Variants in CNTNAP5 observed in about 807,000 individuals in gnomAD.
The protein encoded by CNTNAP5 is contactin associated protein family member 5.
A neutral mutation model predicts 150.2 loss-of-function variants in CNTNAP5; 72 were observed. That is an observed-to-expected ratio of 0.48 (90% confidence interval 0.40 to 0.58). The LOEUF (loss-of-function observed/expected upper bound fraction) is 0.58, where lower values mean the gene tolerates loss of function less well. Ranked by LOEUF, CNTNAP5 falls within the 20% of genes least tolerant of loss-of-function variation. The pLI is 0.00. For synonymous variants in CNTNAP5, 672 were observed against 619.8 expected (o/e 1.08, Z -1.25); for missense variants, 1,636 against 1,626.2 (o/e 1.01, Z -0.10).
chr2:124,816,111 G>A (rs937420661), intron 19 of CNTNAP5, among the ~76,000 whole-genome samples: 4 of 152,160 alleles, frequency 2.6e-5, no homozygotes, highest in South Asian at 2.1e-4. Context: ...CTAGGAAGCC[G>A]GGGAGCTGGG....
chr2:124,839,441 C>A (rs1414488865), intron 19 of CNTNAP5, among the ~76,000 whole-genome samples: 2 of 151,704 alleles, frequency 1.3e-5, no homozygotes, highest in African/African-American at 2.4e-5. Flanking sequence ...CTCTCTCTCT[C>A]TCTCTCCCTT....
chr2:124,803,130 A>G (rs1472095455), intron 19 of CNTNAP5, among the ~76,000 whole-genome samples: 1 of 151,700 alleles, frequency 6.6e-6, no homozygotes, highest in African/African-American at 2.4e-5. Context: ...AAAAAAAAGA[A>G]GTCTAGTTAT....
chr2:124,901,317 T>C (rs1678409243), intron 21 of CNTNAP5, among the ~76,000 whole-genome samples: 1 of 151,564 alleles, frequency 6.6e-6, no homozygotes, highest in Non-Finnish European at 1.5e-5. Context: ...TAATTAATGT[T>C]GCTCATCAGC....
At chr2:124,446,652 G>C (rs2104806221) in intron 5 of CNTNAP5, 101 bp from the exon 6 acceptor site, 1 of 1,122,830 alleles carries the variant, frequency 8.9e-7, no homozygotes. Flanking sequence ...ATCATTCTTT[G>C]CCTTTAGAAC....
intron 13 of CNTNAP5, among the ~76,000 whole-genome samples, chr2:124,722,045 C>T (rs1680060731): frequency 6.6e-6 from 1 of 152,000 alleles, no homozygotes; most frequent in Non-Finnish European, 1.5e-5. Flanking sequence ...TTGGGCCCCA[C>T]ATAAACAGTC....
At position 124,568,570 on chromosome 2, in the gene CNTNAP5, T is replaced by G. The variant is rs532069080; in HGVS notation, c.1756+5247T>G. On this transcript the variant is annotated intron_variant, in intron 11 of 23. Coordinates refer to ENST00000682447, the MANE Select transcript of CNTNAP5 (RefSeq NM_001367498.1). Reference sequence around the variant, plus strand: ...CTACTGCAACACCTCTAAATATTATTTTAATAACTCCAAATTATTTTAATA... The same window carrying G: ...CTACTGCAACACCTCTAAATATTATGTTAATAACTCCAAATTATTTTAATA... Among the ~76,000 whole-genome samples the G allele has an allele frequency of 1.4e-4, 21 of 152,326 alleles. No individual in the cohort carries two copies. In the East Asian group the frequency reaches 2.1e-3, roughly 15 times the overall value.
At chr2:124,653,361 C>T (rs913236801) in intron 13 of CNTNAP5, among the ~76,000 whole-genome samples, 1 of 151,340 alleles carries the variant, frequency 6.6e-6, no homozygotes, top group Non-Finnish European at 1.5e-5. Flanking sequence ...CTATATAATA[C>T]ATAGTATATA....
chr2:124,735,942 G>T (rs970166766), intron 13 of CNTNAP5, among the ~76,000 whole-genome samples: 4 of 152,182 alleles, frequency 2.6e-5, no homozygotes, highest in South Asian at 2.1e-4. Flanking sequence ...TAAAATAAAT[G>T]ACTTTATGCT....
intron 13 of CNTNAP5, among the ~76,000 whole-genome samples, chr2:124,726,672 A>ATTAT (rs1186284919): frequency 6.6e-6 from 1 of 151,920 alleles, no homozygotes. Flanking sequence ...CTTTTAAAAT[A>ATTAT]TTATTTATTT....
intron 1 of CNTNAP5, among the ~76,000 whole-genome samples, chr2:124,144,086 G>C (rs1211235005): frequency 2.9e-5 from 4 of 139,862 alleles, no homozygotes; most frequent in Non-Finnish European, 6.2e-5. Flanking sequence ...AACTTACAAG[G>C]GATGTGAAGG....
chr2:124,347,163 A>T (rs1689756815), intron 3 of CNTNAP5, among the ~76,000 whole-genome samples: 1 of 152,154 alleles, frequency 6.6e-6, no homozygotes, highest in African/African-American at 2.4e-5. Context: ...TGTTTATGGT[A>T]ATTTAGTACA....
At chr2:124,407,287 A>G (rs1691597314) in intron 3 of CNTNAP5, among the ~76,000 whole-genome samples, 1 of 152,200 alleles carries the variant, frequency 6.6e-6, no homozygotes, top group Non-Finnish European at 1.5e-5. Context: ...TTGTATTAGC[A>G]TTTCTTAGCA....
At chr2:124,581,569 A>G (rs578031162) in intron 11 of CNTNAP5, among the ~76,000 whole-genome samples, 4 of 152,330 alleles carry the variant, frequency 2.6e-5, no homozygotes, top group African/African-American at 9.6e-5. Context: ...GGGACTGAGA[A>G]AAAGTGTTTG....
chr2:124,650,208 G>T (rs193006845), intron 13 of CNTNAP5, among the ~76,000 whole-genome samples: 1 of 152,322 alleles, frequency 6.6e-6, no homozygotes, highest in Admixed American at 6.5e-5. Context: ...TAGGCTCAGT[G>T]TCTACTTTCT....
At chr2:124,156,993 G>A (rs568545287) in intron 1 of CNTNAP5, among the ~76,000 whole-genome samples, 16 of 152,198 alleles carry the variant, frequency 1.1e-4, no homozygotes, top group Non-Finnish European at 2.1e-4. Flanking sequence ...AAAGCAGATG[G>A]AGCAGAGCCT....
At chr2:124,377,098 A>G (rs1236470957) in intron 3 of CNTNAP5, among the ~76,000 whole-genome samples, 2 of 152,110 alleles carry the variant, frequency 1.3e-5, no homozygotes, top group Non-Finnish European at 2.9e-5. Context: ...AAAAATCTTT[A>G]ATAGCCTTAA....
At chr2:124,634,361 T>A (rs187773522) in intron 12 of CNTNAP5, among the ~76,000 whole-genome samples, 1 of 152,270 alleles carries the variant, frequency 6.6e-6, no homozygotes, top group Non-Finnish European at 1.5e-5. Context: ...ACTCTCAAAT[T>A]CAAAATTCCA....
intron 13 of CNTNAP5, among the ~76,000 whole-genome samples, chr2:124,732,724 A>T (rs2105128819): frequency 6.6e-6 from 1 of 152,284 alleles, no homozygotes; most frequent in Middle Eastern, 3.4e-3. Context: ...AAATGCACTG[A>T]ATTTCACATT....
chr2:124,643,972 T>G (rs1223692745), intron 12 of CNTNAP5, among the ~76,000 whole-genome samples: 2 of 152,230 alleles, frequency 1.3e-5, no homozygotes, highest in Non-Finnish European at 2.9e-5. Context: ...CTCCCACAGT[T>G]AGTGTTGTGC....
Sources: gnomAD v4.1 joint callset for allele counts (sites outside exome capture counted in the v4.1 genomes callset) on GRCh38, gnomAD v4.1.1 for gene constraint, MANE v1.5 for transcripts, NCBI Gene and HGNC (gene_info 2026-07-23, HGNC 2026-07-21) for gene names.